VIPR2: variants seen among roughly 807,000 people sequenced by gnomAD.
The protein encoded by VIPR2 is vasoactive intestinal polypeptide receptor 2.
Under a neutral mutation model 58.0 loss-of-function variants are expected in VIPR2, and 48 were observed. The observed-to-expected ratio is 0.83, with a 90% confidence interval of 0.66 to 1.05. The LOEUF (loss-of-function observed/expected upper bound fraction) is 1.05. VIPR2 is among the 50% of genes least tolerant of loss of function. The pLI, the probability that VIPR2 is intolerant of heterozygous loss-of-function variation, is 0.00. For synonymous variants in VIPR2, 243 were observed against 235.2 expected (o/e 1.03, Z -0.30); for missense variants, 534 against 558.0 (o/e 0.96, Z 0.43).
intron 5 of VIPR2, among the ~76,000 whole-genome samples, chr7:159,053,439 A>G (rs920364163): frequency 3.9e-5 from 6 of 152,264 alleles, no homozygotes; most frequent in Admixed American, 1.3e-4. Flanking sequence ...AGGATCTACT[A>G]TGATCACAGG....
At chr7:159,123,359 A>C (rs1445870695) in intron 2 of VIPR2, among the ~76,000 whole-genome samples, 1 of 150,238 alleles carries the variant, frequency 6.7e-6, no homozygotes, top group South Asian at 2.1e-4. Flanking sequence ...CTTTGTGTTC[A>C]TAAGTTCTCA....
intron 7 of VIPR2, 102 bp downstream of exon 7, chr7:159,036,650 T>A: frequency 7.1e-7 from 1 of 1,418,348 alleles, no homozygotes; most frequent in African/African-American, 1.4e-5. Flanking sequence ...CTGACATGCA[T>A]TCTACGGGGG....
chr7:159,083,472 T>C (rs1857014528), intron 4 of VIPR2, among the ~76,000 whole-genome samples: 1 of 152,248 alleles, frequency 6.6e-6, no homozygotes, highest in Admixed American at 6.5e-5. Flanking sequence ...TCTAAGTCCC[T>C]TCCAGCTCCA....
At chr7:159,084,780 C>T (rs1005983580) in intron 4 of VIPR2, among the ~76,000 whole-genome samples, 4 of 152,156 alleles carry the variant, frequency 2.6e-5, no homozygotes, top group Non-Finnish European at 4.4e-5. Flanking sequence ...CACTGGAGGC[C>T]GCCAGTTGCC....
Position 159,029,846 on chromosome 7 carries a change from A to G in VIPR2, c.*770T>C, listed in dbSNP as rs1437526791. The G allele has an allele frequency of 3.3e-5, 5 of 152,332 alleles. No homozygotes were observed. The highest frequency in any genetic ancestry group is 2.1e-4 in the South Asian group (1 of 4,830). The allele number at this position is 152,332 out of a possible 1,614,324, so 9.4% of individuals were successfully genotyped here. A position where few individuals can be genotyped will look rare whatever the true frequency, so the allele number is the denominator to read the frequency against. On this transcript the variant is annotated 3_prime_UTR_variant, in exon 13 of 13. Transcript: ENST00000262178. ...CTCAGCCGGGCCGGGTGGGCGCCCC[A>G]AGAGAGAGGACGGGCTGCCCTCCTG...
chr7:159,144,515 T>C, intron 1 of VIPR2: 1 of 1,522,512 alleles, frequency 6.6e-7, no homozygotes, highest in South Asian at 1.2e-5. Context: ...CCAACCCGAG[T>C]CCCGCAACCC....
chr7:159,053,696 G>C (rs73522282), intron 5 of VIPR2, among the ~76,000 whole-genome samples: 308 of 152,200 alleles, frequency 2.0e-3, no homozygotes, highest in African/African-American at 6.8e-3. Context: ...GTGCCACCAC[G>C]GCCAGCTAAT....
rs911779935 is a variant in VIPR2, at chr7:159,144,794, C to T, written c.-23G>A. Reference sequence around the variant, plus strand: ...CATCCCGAGCTCAGCGTGCCGGGGGCCGCCCAGCGCCCGCCGCCTCCGTCC... The same window carrying T: ...CATCCCGAGCTCAGCGTGCCGGGGGTCGCCCAGCGCCCGCCGCCTCCGTCC... On this transcript the variant is annotated 5_prime_UTR_variant, in exon 1 of 13. Coordinates refer to ENST00000262178, the MANE Select transcript of VIPR2 (RefSeq NM_003382.5). 8.8e-6 allele frequency: 11 copies of T among 1,243,216 alleles called. No individual in the cohort carries two copies. Among genetic ancestry groups the T allele is most frequent in the Admixed American group, 4.2e-5 (1 of 23,674 alleles). 77.0% of individuals were successfully genotyped at this position (1,243,216 alleles called of 1,614,324 possible). A position where few individuals can be genotyped will look rare whatever the true frequency, so the allele number is the denominator to read the frequency against.
At chr7:159,125,634 C>T (rs4909113) in intron 2 of VIPR2, among the ~76,000 whole-genome samples, 12 of 152,332 alleles carry the variant, frequency 7.9e-5, no homozygotes, top group Middle Eastern at 3.4e-3. Flanking sequence ...GTTCTGCTTT[C>T]TGGAGCCTTC....
chr7:159,059,868 C>A (rs1855535057), intron 4 of VIPR2, among the ~76,000 whole-genome samples: 1 of 151,352 alleles, frequency 6.6e-6, no homozygotes, highest in Admixed American at 6.6e-5. Context: ...CTAACCCATA[C>A]TCCACCTAAC....
chr7:159,069,569 TCTA>T (rs1856274513), intron 4 of VIPR2, among the ~76,000 whole-genome samples: 1 of 152,152 alleles, frequency 6.6e-6, no homozygotes, highest in African/African-American at 2.4e-5. Context: ...CTGGAAAACC[TCTA>T]CTAAGCCTGT....
chr7:159,121,112 G>A (rs373925385), intron 2 of VIPR2, among the ~76,000 whole-genome samples: 2 of 152,266 alleles, frequency 1.3e-5, no homozygotes, highest in African/African-American at 2.4e-5. Flanking sequence ...TGCCCAGGGC[G>A]TGAGGAGCTG....
intron 4 of VIPR2, among the ~76,000 whole-genome samples, chr7:159,063,643 C>G (rs1052135978): frequency 6.7e-6 from 1 of 150,322 alleles, no homozygotes; most frequent in Non-Finnish European, 1.5e-5. Flanking sequence ...GCAGAGGAGG[C>G]GCCAAGAGCG....
chr7:159,107,826 CAG>C (rs1795822315), intron 3 of VIPR2, among the ~76,000 whole-genome samples: 1 of 152,230 alleles, frequency 6.6e-6, no homozygotes. Flanking sequence ...CCGCCTGGCA[CAG>C]AGACACAGGG....
chr7:159,057,118 A>G (rs1855367763), intron 5 of VIPR2, among the ~76,000 whole-genome samples: 1 of 152,228 alleles, frequency 6.6e-6, no homozygotes, highest in South Asian at 2.1e-4. Flanking sequence ...TGTGTAAAAA[A>G]TAGGGATTGT....
intron 3 of VIPR2, among the ~76,000 whole-genome samples, chr7:159,104,797 C>T (rs542370321): frequency 2.0e-4 from 31 of 151,872 alleles, no homozygotes; most frequent in African/African-American, 5.3e-4. Flanking sequence ...CGATGGTGAC[C>T]GGGTGCCCGG....
At chr7:159,046,647 T>C (rs1292916667) in intron 5 of VIPR2, among the ~76,000 whole-genome samples, 1 of 152,192 alleles carries the variant, frequency 6.6e-6, no homozygotes, top group Non-Finnish European at 1.5e-5. Context: ...TGCCAAGGAA[T>C]TGTGTACCTT....
intron 4 of VIPR2, among the ~76,000 whole-genome samples, chr7:159,063,569 C>T (rs959010746): frequency 1.3e-5 from 2 of 151,960 alleles, no homozygotes; most frequent in Admixed American, 1.3e-4. Context: ...ATCCCAGAAA[C>T]GGGCTCCCAC....
At chr7:159,077,109 A>C (rs1241063312) in intron 4 of VIPR2, among the ~76,000 whole-genome samples, 1 of 152,260 alleles carries the variant, frequency 6.6e-6, no homozygotes, top group Non-Finnish European at 1.5e-5. Flanking sequence ...TGATGCAGTT[A>C]CATAAATGAT....
Sources: gnomAD v4.1 joint callset for allele counts (sites outside exome capture counted in the v4.1 genomes callset) on GRCh38, gnomAD v4.1.1 for gene constraint, MANE v1.5 for transcripts, NCBI Gene and HGNC (gene_info 2026-07-23, HGNC 2026-07-21) for gene names.